Variants in ZZEF1 observed in about 807,000 individuals in gnomAD.
ZZEF1 encodes zinc finger ZZ-type and EF-hand domain containing 1.
Under a neutral mutation model 342.8 loss-of-function variants are expected in ZZEF1, and 157 were observed. The ratio of observed to expected loss-of-function variants is 0.46; its 90% CI spans 0.40 to 0.52. ZZEF1 has a LOEUF of 0.52. ZZEF1 is among the 20% of genes least tolerant of loss of function. The pLI is 0.00. For missense variants in ZZEF1, 3,480 were observed against 3,725.6 expected (o/e 0.93, Z 1.72); for synonymous variants, 1,505 against 1,429.1 (o/e 1.05, Z -1.20).
At chr17:4,087,730 ATG>A (rs1337736208) in intron 13 of ZZEF1, among the ~76,000 whole-genome samples, 196 bp from the exon 14 acceptor site, 7 of 151,918 alleles carry the variant, frequency 4.6e-5, no homozygotes, top group South Asian at 2.1e-4. Flanking sequence ...TCTAAAATAT[ATG>A]TGTGTGTTAT....
In ZZEF1 at chr17:4,091,071, T is replaced by C. The variant is rs376301252; in HGVS notation, c.1914-241A>G. 2.2e-4 allele frequency among the ~76,000 whole-genome samples: 34 copies of C among 152,320 alleles called. No individual in the cohort carries two copies. In the East Asian group the frequency reaches 3.7e-3, roughly 16 times the overall value. ...ATAATCTGGGAACTAAGGAGAAAGT[T>C]TGCTTCTCTAATTGGCTCATCTGAA... On this transcript the variant is annotated intron_variant, in intron 11 of 54. Transcript: ENST00000381638.
At chr17:4,007,884 T>C (rs1212689599) in intron 54 of ZZEF1, among the ~76,000 whole-genome samples, 1 of 152,114 alleles carries the variant, frequency 6.6e-6, no homozygotes, top group East Asian at 1.9e-4. Context: ...GGCAGGGCTC[T>C]TGGCTGGGTG....
chr17:4,024,841 CA>C, intron 43 of ZZEF1, 77 bp downstream of exon 43: 1 of 1,362,358 alleles, frequency 7.3e-7, no homozygotes, highest in Non-Finnish European at 1.1e-6. Flanking sequence ...AATCAGATGG[CA>C]TTTCCTCCTA....
At chr17:4,067,906 C>T (rs577471717) in intron 26 of ZZEF1, among the ~76,000 whole-genome samples, 1 of 152,140 alleles carries the variant, frequency 6.6e-6, no homozygotes, top group Admixed American at 6.5e-5. Flanking sequence ...TAGCAAGACT[C>T]TGTCTCTACA....
intron 30 of ZZEF1, among the ~76,000 whole-genome samples, chr17:4,060,742 G>C (rs570663042): frequency 1.3e-5 from 2 of 151,312 alleles, no homozygotes; most frequent in African/African-American, 4.9e-5. Context: ...TCTTGAGAAA[G>C]AAAAGTAACA....
chr17:4,019,664 C>T lies in ZZEF1; in HGVS notation c.7505+5G>A. ...ACACTTCAGCTGCACGGAAATGTCC[C>T]TTACCTCTTCTGAACCTCCAGGAAG... On this transcript the variant is annotated splice_donor_5th_base_variant and intron_variant, in intron 46 of 54. Coordinates refer to ENST00000381638, the MANE Select transcript of ZZEF1 (RefSeq NM_015113.4). 6.2e-7 allele frequency: 1 copy of T among 1,611,280 alleles called. No homozygotes were observed. The highest frequency in any genetic ancestry group is 8.5e-7 in the Non-Finnish European group (1 of 1,178,840).
chr17:4,102,387 T>C lies in ZZEF1; in HGVS notation c.1602A>G (p.Ala534=). ...YGKPLQLTLQ[A]CDVKGKEDKS... is the part of the protein sequence containing the mutation. ...TATCTTCTTTTCCTTTGACATCACA[T>C]GCCTGAAGAGTCAACTGGAGAGGTT... Residue 534 remains alanine, a synonymous_variant, in exon 9 of 55, where the codon GCA becomes GCG. Coordinates refer to ENST00000381638, the MANE Select transcript of ZZEF1 (RefSeq NM_015113.4). 4.3e-6 allele frequency: 7 copies of C among 1,613,820 alleles called. No homozygotes were observed. Among genetic ancestry groups the C allele is most frequent in the Non-Finnish European group, 5.9e-6 (7 of 1,179,764 alleles).
rs201143449 is a variant in ZZEF1 at position 4,009,559 on chromosome 17, C to T, written c.8733+45G>A. ...TGCCCTGGGTAGCAGAGGGAGCAAA[C>T]GCACATGGAGGCACCGGGCTCCCTG... On this transcript the variant is annotated intron_variant, in intron 53 of 54. Transcript: ENST00000381638. 7.6e-4 allele frequency: 1,231 copies of T among 1,609,274 alleles called. 12 individuals carry two copies. Among genetic ancestry groups the T allele is most frequent in the Non-Finnish European group, 2.7e-4 (323 of 1,179,728 alleles).
Position 4,008,823 on chromosome 17 carries a change from C to T in ZZEF1, c.8805+60G>A. ...AATGTACAGACCTTCTCTGCCCTGG[C>T]AATGGTGAGATGGTGGCGCCCCAGC... On this transcript the variant is annotated intron_variant, in intron 54 of 54. Coordinates refer to ENST00000381638, the MANE Select transcript of ZZEF1 (RefSeq NM_015113.4). The surrounding 1 kb of genome is among the most constrained non-coding windows in gnomAD (Gnocchi z 4.2). 1 of 1,537,158 alleles carries T rather than the reference C, an allele frequency of 6.5e-7. No individual in the cohort carries two copies. The highest frequency in any genetic ancestry group is 8.7e-7 in the Non-Finnish European group (1 of 1,144,298).
intron 54 of ZZEF1, 116 bp from the exon 55 acceptor site, chr17:4,007,086 T>C: frequency 1.2e-6 from 1 of 860,568 alleles, no homozygotes; most frequent in Non-Finnish European, 1.8e-6. Context: ...GGGAACCAGA[T>C]GTGTTCCCCT....
intron 14 of ZZEF1, among the ~76,000 whole-genome samples, chr17:4,087,206 T>C (rs2057849165): frequency 6.6e-6 from 1 of 152,192 alleles, no homozygotes; most frequent in Non-Finnish European, 1.5e-5. Context: ...ATCCTACTTT[T>C]TCATCTGTAA....
At chr17:4,092,050 T>C (rs1272682776) in intron 11 of ZZEF1, among the ~76,000 whole-genome samples, 1 of 146,246 alleles carries the variant, frequency 6.8e-6, no homozygotes, top group East Asian at 2.0e-4. Context: ...CACTCCAGCC[T>C]GGGCAACAAG....
At chr17:4,022,668 T>A in intron 44 of ZZEF1, 41 bp downstream of exon 44, 1 of 1,612,338 alleles carries the variant, frequency 6.2e-7, no homozygotes, top group Non-Finnish European at 8.5e-7. Context: ...CCAGCACATC[T>A]GCACCAGGAA....
chr17:4,125,118 C>T (rs1043253084), intron 1 of ZZEF1, among the ~76,000 whole-genome samples: 1 of 152,142 alleles, frequency 6.6e-6, no homozygotes, highest in African/African-American at 2.4e-5. Flanking sequence ...CCTCTGGTGT[C>T]CCTGACCCCC....
At chr17:4,119,163 T>C (rs4790168) in intron 2 of ZZEF1, among the ~76,000 whole-genome samples, 77,256 of 152,118 alleles carry the variant, frequency 0.51, 22,067 homozygotes, top group East Asian at 0.74. Context: ...ATGTGTTAAT[T>C]TGCTCAAGCA....
chr17:4,109,802 G>A lies in ZZEF1; in HGVS notation c.1128C>T (p.Leu376=), dbSNP rs1228008348. 1.2e-6 allele frequency: 2 copies of A among 1,614,066 alleles called. No homozygotes were observed. Among genetic ancestry groups the A allele is most frequent in the East Asian group, 4.5e-5 (2 of 44,896 alleles). ...SDGCDTRIHG[L]RAVGFQRVKK... ...TAACTCTCTGAAAGCCAACAGCCCTGAGACCATGAATTCTAGTGTCGCAGC... is the reference window on the plus strand; with the variant it reads ...TAACTCTCTGAAAGCCAACAGCCCTAAGACCATGAATTCTAGTGTCGCAGC... The change falls in exon 6 of 55, where the codon CTC becomes CTT. Residue 376 remains leucine, a synonymous_variant. Transcript: ENST00000381638.
chr17:4,130,506 C>A (rs2058646505), intron 1 of ZZEF1, among the ~76,000 whole-genome samples: 1 of 151,832 alleles, frequency 6.6e-6, no homozygotes, highest in African/African-American at 2.4e-5. Flanking sequence ...GAAAATATCA[C>A]AACAAAACAA....
intron 24 of ZZEF1, among the ~76,000 whole-genome samples, chr17:4,073,705 G>A (rs934825901): frequency 6.6e-6 from 1 of 152,160 alleles, no homozygotes; most frequent in Non-Finnish European, 1.5e-5. Context: ...CTCCTAAAGT[G>A]CTGGGATTAC....
In ZZEF1 at chr17:4,014,385, C is replaced by A; in HGVS notation, c.8276G>T (p.Ser2759Ile). The part of the protein sequence containing the change: ...SDFQQDRHSF[S>I]GSQQKWKDFE... Reference sequence around the variant, plus strand: ...ATCTTTCCACTTCTGCTGAGACCCGCTGAAGCTGTGTCGGTCTTGCTGGAA... The same window carrying A: ...ATCTTTCCACTTCTGCTGAGACCCGATGAAGCTGTGTCGGTCTTGCTGGAA... Residue 2759 changes from serine (S) to isoleucine (I), a missense_variant, in exon 50 of 55, where the codon AGC (serine) becomes ATC (isoleucine). This residue lies in a region of ZZEF1 where 1,269 missense variants were observed against 1,342.4 expected (regional missense o/e 0.95). Transcript: ENST00000381638. This position sits in a 1 kb window ranked among gnomAD's most constrained non-coding sequence, Gnocchi z 4.4. 1 of 1,614,248 alleles carries A rather than the reference C, an allele frequency of 6.2e-7. No homozygotes were observed. The highest frequency in any genetic ancestry group is 8.5e-7 in the Non-Finnish European group (1 of 1,180,044).
Sources: allele counts gnomAD v4.1 joint callset (sites outside exome capture counted in the v4.1 genomes callset), GRCh38; gene constraint gnomAD v4.1.1; regional missense constraint gnomAD v4.1.1; non-coding constraint Gnocchi (gnomAD v3.1); transcripts MANE v1.5; gene names NCBI Gene and HGNC (gene_info 2026-07-23, HGNC 2026-07-21).